Variants in FBXO4 observed in about 807,000 individuals in gnomAD.
FBXO4 encodes F-box protein 4, also known as F-box only protein 4.
A neutral mutation model predicts 43.7 loss-of-function variants in FBXO4; 36 were observed. The observed-to-expected ratio is 0.82, with a 90% CI of 0.63 to 1.09. FBXO4 has a LOEUF of 1.09. FBXO4 is among the 50% of genes least tolerant of loss of function. The pLI is 0.00. For synonymous variants in FBXO4, 180 were observed against 165.6 expected, an observed-to-expected ratio of 1.09 and a Z score of -0.67; for missense variants, 435 against 474.1, an observed-to-expected ratio of 0.92 and a Z score of 0.77.
At chr5:42,005,318 A>G in the FBXO4 span, among the ~76,000 whole-genome samples, 1 of 152,154 alleles carries the variant, frequency 6.6e-6, no homozygotes, top group African/African-American at 2.4e-5. Context: ...ATACTTTGTG[A>G]TGGCTATACG....
chr5:42,015,161 T>C, the FBXO4 span, among the ~76,000 whole-genome samples: 2 of 152,250 alleles, frequency 1.3e-5, no homozygotes, highest in Non-Finnish European at 2.9e-5. Flanking sequence ...ATTATTGCTA[T>C]GCACAACAAT....
At chr5:41,946,235 GC>G (rs934007268), downstream of FBXO4, among the ~76,000 whole-genome samples, 1 of 152,126 alleles carries the variant, frequency 6.6e-6, no homozygotes, top group African/African-American at 2.4e-5. Flanking sequence ...CAAAGAGAGA[GC>G]CCCGTTGCAT....
At chr5:42,035,067 A>G in the FBXO4 span, among the ~76,000 whole-genome samples, 1 of 151,368 alleles carries the variant, frequency 6.6e-6, no homozygotes, top group Non-Finnish European at 1.5e-5. Flanking sequence ...TAGGTATTTT[A>G]TTCTCTTTGT....
the FBXO4 span, among the ~76,000 whole-genome samples, chr5:41,952,815 T>C: frequency 6.6e-6 from 1 of 152,166 alleles, no homozygotes; most frequent in Non-Finnish European, 1.5e-5. Flanking sequence ...TCTCCTATTA[T>C]ACCTGTCAAT....
the FBXO4 span, among the ~76,000 whole-genome samples, chr5:42,036,649 A>G: frequency 6.6e-6 from 1 of 152,110 alleles, no homozygotes; most frequent in Admixed American, 6.6e-5. Context: ...AAAGGGCCTG[A>G]GGGGGCAGAG....
downstream of FBXO4, among the ~76,000 whole-genome samples, chr5:41,945,227 T>G (rs1367908009): frequency 6.6e-6 from 1 of 152,206 alleles, no homozygotes; most frequent in Non-Finnish European, 1.5e-5. Context: ...CTATGTGAGC[T>G]TTATGAAAGT....
At chr5:41,930,025 G>C in intron 3 of FBXO4, 108 bp downstream of exon 3, 3 of 929,966 alleles carry the variant, frequency 3.2e-6, no homozygotes, top group Non-Finnish European at 4.8e-6. Context: ...ATGAAGTACA[G>C]TACTTTGGTT....
At chr5:42,037,471 A>G in the FBXO4 span, among the ~76,000 whole-genome samples, 1 of 152,054 alleles carries the variant, frequency 6.6e-6, no homozygotes, top group Non-Finnish European at 1.5e-5. Context: ...GAGGGGAAAA[A>G]CAAAAATAAA....
At chr5:42,018,528 A>C in the FBXO4 span, among the ~76,000 whole-genome samples, 26 of 152,210 alleles carry the variant, frequency 1.7e-4, no homozygotes, top group Non-Finnish European at 3.5e-4. Flanking sequence ...TTATCTCAAT[A>C]GATGCCAAAA....
chr5:42,004,572 A>C, the FBXO4 span, among the ~76,000 whole-genome samples: 1 of 152,182 alleles, frequency 6.6e-6, no homozygotes, highest in Non-Finnish European at 1.5e-5. Flanking sequence ...GACTGGAAAA[A>C]AATTATTTGG....
the FBXO4 span, among the ~76,000 whole-genome samples, chr5:42,016,234 C>A: frequency 2.6e-5 from 4 of 152,088 alleles, no homozygotes; most frequent in Admixed American, 2.0e-4. Flanking sequence ...GTCCTGCAGA[C>A]AGAGGTGGCA....
chr5:42,022,910 A>G, the FBXO4 span, among the ~76,000 whole-genome samples: 4 of 152,146 alleles, frequency 2.6e-5, no homozygotes, highest in Admixed American at 2.0e-4. Flanking sequence ...GCAAGCAAGA[A>G]AGGCTCAGAT....
chr5:41,978,413 G>T, the FBXO4 span, among the ~76,000 whole-genome samples: 125 of 152,108 alleles, frequency 8.2e-4, no homozygotes, highest in African/African-American at 2.9e-3. Context: ...CAAACACATT[G>T]TTTAAAAAAG....
chr5:41,971,951 G>C, the FBXO4 span, among the ~76,000 whole-genome samples: 1 of 151,904 alleles, frequency 6.6e-6, no homozygotes, highest in Admixed American at 6.6e-5. Context: ...AAAGTGATAA[G>C]AGCCATTTAT....
rs774914020 is a variant in FBXO4 at position 41,927,201 on chromosome 5, G to A, written c.378G>A (p.Lys126=). 1.2e-6 allele frequency: 2 copies of A among 1,613,150 alleles called. No homozygotes were observed. Among genetic ancestry groups the A allele is most frequent in the African/African-American group, 2.7e-5 (2 of 74,904 alleles). ...TTCCAGATCTAGAAATCTTAAAAAA[G>A]CCTATATCTGAGGTCACTGATGGTG... ...KSLPDLEILK[K]PISEVTDGAF... The change falls in exon 2 of 7, where the codon AAG becomes AAA. Residue 126 remains lysine (K), a synonymous_variant. Transcript: ENST00000281623.
chr5:41,962,797 C>A, the FBXO4 span, among the ~76,000 whole-genome samples: 2 of 152,162 alleles, frequency 1.3e-5, no homozygotes, highest in African/African-American at 4.8e-5. Flanking sequence ...AAGTGGCATA[C>A]TCTCTGTTCT....
chr5:42,022,424 T>C, the FBXO4 span, among the ~76,000 whole-genome samples: 1 of 152,164 alleles, frequency 6.6e-6, no homozygotes, highest in African/African-American at 2.4e-5. Flanking sequence ...ACAGTTGTTA[T>C]ACATCATTCT....
At chr5:42,037,748 G>A in the FBXO4 span, among the ~76,000 whole-genome samples, 1 of 152,056 alleles carries the variant, frequency 6.6e-6, no homozygotes, top group African/African-American at 2.4e-5. Flanking sequence ...AGCAAAGAAT[G>A]TAGTTTTCAA....
At chr5:42,005,986 C>A in the FBXO4 span, among the ~76,000 whole-genome samples, 1 of 152,130 alleles carries the variant, frequency 6.6e-6, no homozygotes, top group Non-Finnish European at 1.5e-5. Context: ...CTCTTCCCCT[C>A]TTTCCATATT....
Sources: allele counts gnomAD v4.1 joint callset (sites outside exome capture counted in the v4.1 genomes callset), GRCh38; gene constraint gnomAD v4.1.1; transcripts MANE v1.5; gene names NCBI Gene and HGNC (gene_info 2026-07-23, HGNC 2026-07-21).